The following SLC9A2 variants were observed in gnomAD, a reference collection of about 807,000 sequenced individuals.
SLC9A2 encodes sodium/hydrogen exchanger 2.
In SLC9A2, 42 loss-of-function variants were observed where a neutral mutation model predicts 71.7. That is an observed-to-expected ratio of 0.59 (90% confidence interval 0.46 to 0.76). The LOEUF (loss-of-function observed/expected upper bound fraction) is 0.76, where lower values mean the gene tolerates loss of function less well. Ranked by LOEUF, SLC9A2 falls within the 30% of genes least tolerant of loss-of-function variation. The probability of loss-of-function intolerance (pLI) is 0.00; values close to 1 mark genes in which losing one functional copy is unlikely to be tolerated. For synonymous variants in SLC9A2, 396 were observed against 392.5 expected (o/e 1.01, Z -0.10); for missense variants, 829 against 1,017.4 (o/e 0.81, Z 2.52).
rs1265032951 is a variant in SLC9A2 at position 102,706,037 on chromosome 2, C to CAATGAGAACACTTGGACACAGGAA, written c.2068+101_2068+102insAATGAGAACACTTGGACACAGGAA. 3.7e-3 allele frequency: 687 copies of CAATGAGAACACTTGGACACAGGAA among 185,176 alleles called. 45 individuals are homozygous for CAATGAGAACACTTGGACACAGGAA. Among genetic ancestry groups the CAATGAGAACACTTGGACACAGGAA allele is most frequent in the Non-Finnish European group, 4.9e-3 (521 of 107,130 alleles). 11.5% of individuals were successfully genotyped at this position (185,176 alleles called of 1,614,324 possible). Reference sequence around the variant, plus strand: ...ATTTTTCTTCATTAAGAATGAGTTCCGGCCGGGCGCGGTGGCTCACGCCTG... The same window carrying CAATGAGAACACTTGGACACAGGAA: ...ATTTTTCTTCATTAAGAATGAGTTCCAATGAGAACACTTGGACACAGGAAGGCCGGGCGCGGTGGCTCACGCCTG... On this transcript the variant is annotated intron_variant, in intron 11 of 11. Transcript: ENST00000233969.
intron 1 of SLC9A2, among the ~76,000 whole-genome samples, chr2:102,628,178 A>T (rs1676286222): frequency 6.6e-6 from 1 of 152,212 alleles, no homozygotes; most frequent in Non-Finnish European, 1.5e-5. Flanking sequence ...CTTTAATACA[A>T]ATAATAATAA....
In SLC9A2 at chr2:102,694,514, A is replaced by G. The variant is rs760998927; in HGVS notation, c.1515+11A>G. 1.2e-5 allele frequency: 17 copies of G among 1,379,806 alleles called. No individual in the cohort carries two copies. In the East Asian group the frequency reaches 3.7e-4, roughly 30 times the overall value. The allele number at this position is 1,379,806 out of a possible 1,614,324, so 85.5% of individuals were successfully genotyped here. On this transcript the variant is annotated intron_variant, in intron 6 of 11. Transcript: ENST00000233969. ...GAAATCTATTGTCGGGTAGGTGTTA[A>G]GAGAGTGTAATAATTTTAATGATAA... is the stretch of plus-strand genomic sequence containing the variant.
rs185359771 is a variant in SLC9A2 at position 102,656,027 on chromosome 2, G to T, written c.290-1537G>T. On this transcript the variant is annotated intron_variant, in intron 1 of 11. Coordinates refer to ENST00000233969, the MANE Select transcript of SLC9A2 (RefSeq NM_003048.6). ...TCCATCCACCTCTTACAGCTATCACGTTGGCAACACCTAAGTTTTAGAGGG... is the reference window on the plus strand; with the variant it reads ...TCCATCCACCTCTTACAGCTATCACTTTGGCAACACCTAAGTTTTAGAGGG... Among the ~76,000 whole-genome samples, 432 of 152,328 alleles carry T rather than the reference G, an allele frequency of 2.8e-3. 1 individual carries two copies. Among genetic ancestry groups the T allele is most frequent in the African/African-American group, 0.01 (416 of 41,570 alleles).
chr2:102,677,809 C>T (rs1380408569), intron 3 of SLC9A2, among the ~76,000 whole-genome samples: 1 of 152,102 alleles, frequency 6.6e-6, no homozygotes, highest in Non-Finnish European at 1.5e-5. Flanking sequence ...TTCTCTCCAG[C>T]CTATAAAGTT....
chr2:102,698,785 G>A (rs1462575419), intron 7 of SLC9A2, among the ~76,000 whole-genome samples: 3 of 152,190 alleles, frequency 2.0e-5, no homozygotes, highest in African/African-American at 7.2e-5. Context: ...CTTTCATTGT[G>A]TCTGCTAATA....
chr2:102,677,966 T>C (rs936268806), intron 3 of SLC9A2, among the ~76,000 whole-genome samples: 13 of 151,410 alleles, frequency 8.6e-5, no homozygotes, highest in Non-Finnish European at 1.5e-5. Flanking sequence ...TTATTTCTTT[T>C]ATGCCTTTGC....
At chr2:102,691,290 T>C (rs1334320733) in intron 5 of SLC9A2, among the ~76,000 whole-genome samples, 1 of 149,098 alleles carries the variant, frequency 6.7e-6, no homozygotes, top group Non-Finnish European at 1.5e-5. Flanking sequence ...CTAAGGGTTG[T>C]ATTTTTTTTA....
intron 1 of SLC9A2, among the ~76,000 whole-genome samples, chr2:102,624,096 T>C (rs1676197061): frequency 6.6e-6 from 1 of 152,158 alleles, no homozygotes; most frequent in African/African-American, 2.4e-5. Context: ...TTTGTAATTA[T>C]AACATTTACC....
At chr2:102,625,581 TG>T (rs1217399045) in intron 1 of SLC9A2, among the ~76,000 whole-genome samples, 1 of 151,902 alleles carries the variant, frequency 6.6e-6, no homozygotes, top group Admixed American at 6.6e-5. Context: ...TTTGGTTTTT[TG>T]TTCTTGCGAT....
intron 11 of SLC9A2, among the ~76,000 whole-genome samples, chr2:102,707,890 C>A (rs1678012238): frequency 6.6e-6 from 1 of 152,158 alleles, no homozygotes; most frequent in African/African-American, 2.4e-5. Flanking sequence ...GCCTGGCACA[C>A]AGTAAGTTCT....
chr2:102,652,221 T>G (rs1676849104), intron 1 of SLC9A2, among the ~76,000 whole-genome samples: 2 of 152,208 alleles, frequency 1.3e-5, no homozygotes, highest in Admixed American at 1.3e-4. Flanking sequence ...AATCTCTGGT[T>G]CTTTTGTTTC....
chr2:102,652,863 G>A (rs573997533), intron 1 of SLC9A2, among the ~76,000 whole-genome samples: 1 of 152,226 alleles, frequency 6.6e-6, no homozygotes, highest in South Asian at 2.1e-4. Flanking sequence ...ATATCAGGTA[G>A]GATGATGATT....
chr2:102,694,333 T>A (rs1677712799), intron 5 of SLC9A2, 81 bp from the exon 6 acceptor site: 2 of 420,368 alleles, frequency 4.8e-6, no homozygotes, highest in Non-Finnish European at 3.8e-6. Context: ...TTATAAAAAA[T>A]TTATATTAAA....
chr2:102,664,546 T>C (rs1373332985), intron 2 of SLC9A2, among the ~76,000 whole-genome samples: 2 of 151,622 alleles, frequency 1.3e-5, no homozygotes, highest in Non-Finnish European at 2.9e-5. Context: ...ACACCAGACA[T>C]GTATGTGTGG....
At chr2:102,693,854 G>A (rs1354813939) in intron 5 of SLC9A2, among the ~76,000 whole-genome samples, 1 of 152,202 alleles carries the variant, frequency 6.6e-6, no homozygotes. Flanking sequence ...GTGTGCAGTA[G>A]AAACTCAGTG....
chr2:102,688,408 T>A (rs1468829716), intron 5 of SLC9A2, among the ~76,000 whole-genome samples: 3 of 152,166 alleles, frequency 2.0e-5, no homozygotes, highest in Non-Finnish European at 4.4e-5. Context: ...CCTCACGAGT[T>A]GCCATGTTTA....
chr2:102,650,766 G>T (rs1157375715), intron 1 of SLC9A2, among the ~76,000 whole-genome samples: 1 of 152,138 alleles, frequency 6.6e-6, no homozygotes, highest in Non-Finnish European at 1.5e-5. Flanking sequence ...ACATTATGGG[G>T]TTAATAAGAA....
rs1678100507 is a variant in SLC9A2 at position 102,711,045 on chromosome 2, A to G, written c.*2556A>G. On this transcript the variant is annotated 3_prime_UTR_variant, in exon 12 of 12. Coordinates refer to ENST00000233969, the MANE Select transcript of SLC9A2 (RefSeq NM_003048.6). The stretch of plus-strand genomic sequence containing the variant: ...ACTTTTAAAAGCATGTGTTTTGTGT[A>G]TATGCTCACAAAATGTCTGTGAAGA... 6.6e-6 allele frequency: 1 copy of G among 152,362 alleles called. No homozygotes were observed. Among genetic ancestry groups the G allele is most frequent in the Non-Finnish European group, 1.5e-5 (1 of 68,036 alleles). 9.4% of individuals were successfully genotyped at this position (152,362 alleles called of 1,614,324 possible).
chr2:102,706,094 T>C lies in SLC9A2; in HGVS notation c.2068+158T>C, dbSNP rs1384145574. Among the ~76,000 whole-genome samples, 5 of 8,256 alleles carry C rather than the reference T, an allele frequency of 6.1e-4. 2 individuals are homozygous for C. Among genetic ancestry groups the C allele is most frequent in the Non-Finnish European group, 1.3e-3 (5 of 3,794 alleles). 5.4% of individuals were successfully genotyped at this position (8,256 alleles called of 152,430 possible). A position where few individuals can be genotyped will look rare whatever the true frequency, so the allele number is the denominator to read the frequency against. The stretch of plus-strand genomic sequence containing the variant: ...CAGCACTTTGGGAGGCCGAGGCGGG[T>C]GGATCACGAGGTCAGGAGATCGAGA... On this transcript the variant is annotated intron_variant, in intron 11 of 11. Coordinates refer to ENST00000233969, the MANE Select transcript of SLC9A2 (RefSeq NM_003048.6).
Sources: allele counts gnomAD v4.1 joint callset (sites outside exome capture counted in the v4.1 genomes callset), GRCh38; gene constraint gnomAD v4.1.1; transcripts MANE v1.5; gene names NCBI Gene and HGNC (gene_info 2026-07-23, HGNC 2026-07-21).